Variants in CDH11 observed in about 807,000 individuals in gnomAD.
The protein encoded by CDH11 is cadherin-11.
In CDH11, 11 loss-of-function variants were observed where a neutral mutation model predicts 67.8. That is an observed-to-expected ratio of 0.16 (90% CI 0.10 to 0.27). The LOEUF is 0.27. Among genes scored for constraint, CDH11 ranks in the 10% least tolerant of loss-of-function variants. CDH11 has a pLI of 1.00. For synonymous variants in CDH11, 419 were observed against 400.0 expected, an observed-to-expected ratio of 1.05 and a Z score of -0.57; for missense variants, 847 against 1,031.2, an observed-to-expected ratio of 0.82 and a Z score of 2.45.
chr16:65,044,020 T>C (rs2073911662), intron 2 of CDH11, among the ~76,000 whole-genome samples: 1 of 152,096 alleles, frequency 6.6e-6, no homozygotes, highest in Non-Finnish European at 1.5e-5. Context: ...TCTCTGCAGT[T>C]TAAAGTGCTG....
At chr16:64,972,874 T>A (rs779764663) in intron 9 of CDH11, 30 bp downstream of exon 9, 4 of 1,610,822 alleles carry the variant, frequency 2.5e-6, no homozygotes, top group Non-Finnish European at 3.4e-6. Context: ...CTTGGTAAAG[T>A]AGAATCAAAA....
In CDH11 at chr16:65,052,766, G is replaced by A. The variant is rs115737584; in HGVS notation, c.-173+1038C>T. ...GAAATAACCCTGGAAGCAAAAATAC[G>A]TAATAGGTGACAATTTCAGTAATAT... On this transcript the variant is annotated intron_variant, in intron 2 of 12. Coordinates refer to ENST00000268603, the MANE Select transcript of CDH11 (RefSeq NM_001797.4). Among the ~76,000 whole-genome samples, 1,029 of 152,250 alleles carry A rather than the reference G, an allele frequency of 6.8e-3. 16 individuals carry two copies. The highest frequency in any genetic ancestry group is 0.023 in the African/African-American group (956 of 41,552).
intron 3 of CDH11, among the ~76,000 whole-genome samples, chr16:64,999,856 T>C (rs2072874856): frequency 6.6e-6 from 1 of 152,104 alleles, no homozygotes; most frequent in South Asian, 2.1e-4. Flanking sequence ...TTGTTTGTTG[T>C]TCGTTTTAGC....
chr16:65,002,985 A>AG (rs1304409188), intron 3 of CDH11, among the ~76,000 whole-genome samples: 1 of 141,896 alleles, frequency 7.0e-6, no homozygotes, highest in Admixed American at 7.1e-5. Context: ...GACCTCTTTG[A>AG]GGTTAGGAGC....
chr16:65,090,886 G>GT (rs1446950965), intron 1 of CDH11, among the ~76,000 whole-genome samples: 1 of 152,098 alleles, frequency 6.6e-6, no homozygotes, highest in Non-Finnish European at 1.5e-5. Flanking sequence ...AACACTCCAG[G>GT]TTTGGAGATA....
At chr16:65,021,890 A>AAAG (rs571463309) in intron 2 of CDH11, among the ~76,000 whole-genome samples, 1,605 of 150,766 alleles carry the variant, frequency 0.011, 12 homozygotes, top group Middle Eastern at 0.037. Flanking sequence ...AAAAAAAAAA[A>AAAG]AAAGAAAGAA....
intron 1 of CDH11, among the ~76,000 whole-genome samples, chr16:65,120,101 C>T (rs1386899753): frequency 6.6e-6 from 1 of 152,168 alleles, no homozygotes; most frequent in African/African-American, 2.4e-5. Context: ...GAAGACCAGG[C>T]TCCCTGCAGC....
At chr16:65,092,155 T>C (rs1380388546) in intron 1 of CDH11, among the ~76,000 whole-genome samples, 1 of 152,216 alleles carries the variant, frequency 6.6e-6, no homozygotes, top group Non-Finnish European at 1.5e-5. Context: ...ATCTCCATCC[T>C]ACAGCACAGT....
intron 2 of CDH11, among the ~76,000 whole-genome samples, chr16:65,043,358 G>C (rs944978660): frequency 6.6e-6 from 1 of 151,530 alleles, no homozygotes; most frequent in Non-Finnish European, 1.5e-5. Context: ...TGTTTACTAG[G>C]GGGTACCCTT....
chr16:64,999,334 T>C (rs1050746864), intron 3 of CDH11, among the ~76,000 whole-genome samples: 2 of 150,756 alleles, frequency 1.3e-5, no homozygotes, highest in Admixed American at 6.6e-5. Context: ...TTCTATTCTA[T>C]GCATATGCAA....
intron 2 of CDH11, among the ~76,000 whole-genome samples, chr16:65,034,709 C>T (rs911170917): frequency 2.0e-5 from 3 of 152,164 alleles, no homozygotes; most frequent in Admixed American, 6.5e-5. Context: ...ATTAGAGCCC[C>T]GCACCCTAAA....
chr16:65,012,232 A>C (rs2050056970), intron 2 of CDH11, among the ~76,000 whole-genome samples: 1 of 152,244 alleles, frequency 6.6e-6, no homozygotes, highest in Non-Finnish European at 1.5e-5. Context: ...TCTTGTAAAT[A>C]AACTTCCATA....
At chr16:65,016,303 C>T (rs972325374) in intron 2 of CDH11, among the ~76,000 whole-genome samples, 8 of 151,872 alleles carry the variant, frequency 5.3e-5, no homozygotes, top group African/African-American at 1.9e-4. Context: ...GTATTAGTGT[C>T]GTTTATCAAA....
chr16:64,996,666 G>A (rs1388600520), intron 4 of CDH11, among the ~76,000 whole-genome samples: 1 of 152,118 alleles, frequency 6.6e-6, no homozygotes, highest in Non-Finnish European at 1.5e-5. Context: ...CAGTGGATTG[G>A]ATAAAGAATA....
At chr16:65,042,615 T>C (rs2142673592) in intron 2 of CDH11, among the ~76,000 whole-genome samples, 1 of 152,246 alleles carries the variant, frequency 6.6e-6, no homozygotes, top group Non-Finnish European at 1.5e-5. Context: ...TTTATTCCAG[T>C]TAAAACAGGA....
intron 1 of CDH11, among the ~76,000 whole-genome samples, chr16:65,109,314 T>G (rs2075118646): frequency 6.6e-6 from 1 of 152,190 alleles, no homozygotes; most frequent in Non-Finnish European, 1.5e-5. Flanking sequence ...CTCTGAGACC[T>G]TGGGCTTCCC....
chr16:64,994,703 T>C (rs2072721282), intron 4 of CDH11, among the ~76,000 whole-genome samples: 1 of 152,176 alleles, frequency 6.6e-6, no homozygotes, highest in Non-Finnish European at 1.5e-5. Context: ...CTGGAAGTCC[T>C]AATCAGAGCA....
intron 1 of CDH11, among the ~76,000 whole-genome samples, chr16:65,098,993 AT>A (rs1472401437): frequency 1.3e-5 from 2 of 152,172 alleles, no homozygotes; most frequent in Non-Finnish European, 2.9e-5. Context: ...AGAACCTGAA[AT>A]TACAGATGTG....
chr16:65,026,062 G>A (rs1227480655), intron 2 of CDH11, among the ~76,000 whole-genome samples: 1 of 152,176 alleles, frequency 6.6e-6, no homozygotes, highest in Non-Finnish European at 1.5e-5. Context: ...GATGGCATGG[G>A]TTCTTCTGGT....
Sources: gnomAD v4.1 joint callset for allele counts (sites outside exome capture counted in the v4.1 genomes callset) on GRCh38, gnomAD v4.1.1 for gene constraint, MANE v1.5 for transcripts, NCBI Gene and HGNC (gene_info 2026-07-23, HGNC 2026-07-21) for gene names.